ABCA13: variants seen among roughly 807,000 people sequenced by gnomAD.
ABCA13 encodes ATP binding cassette subfamily A member 13.
ABCA13 carries 476 observed loss-of-function variants against 478.7 expected under a neutral mutation model. The observed-to-expected ratio is 0.99, with a 90% CI of 0.92 to 1.07. The LOEUF is 1.07. Ranked by LOEUF, ABCA13 falls within the 50% of genes least tolerant of loss-of-function variation. The pLI, the probability that ABCA13 is intolerant of heterozygous loss-of-function variation, is 0.00. For missense variants in ABCA13, 6,060 were observed against 5,910.6 expected, an observed-to-expected ratio of 1.03 and a Z score of -0.83; for synonymous variants, 2,252 against 2,158.9, an observed-to-expected ratio of 1.04 and a Z score of -1.20.
At chr7:48,427,895 ATTTC>A in intron 42 of ABCA13, 24 bp downstream of exon 42, 1 of 1,468,394 alleles carries the variant, frequency 6.8e-7, no homozygotes, top group Non-Finnish European at 9.3e-7. Flanking sequence ...GGCTTCCTGC[ATTTC>A]TGCTGGAGGA....
intron 43 of ABCA13, among the ~76,000 whole-genome samples, chr7:48,458,714 C>T (rs898907778): frequency 6.6e-5 from 10 of 152,156 alleles, no homozygotes; most frequent in African/African-American, 2.2e-4. Flanking sequence ...CTACCTGAAT[C>T]CTTCTACAAA....
At chr7:48,533,114 G>A (rs1198413024) in intron 55 of ABCA13, among the ~76,000 whole-genome samples, 1 of 151,988 alleles carries the variant, frequency 6.6e-6, no homozygotes, top group African/African-American at 2.4e-5. Flanking sequence ...TCTTTCAGAT[G>A]TTTTGATGTA....
chr7:48,440,157 C>A lies in ABCA13; in HGVS notation c.12565+12286C>A, dbSNP rs1015453488. Among the ~76,000 whole-genome samples the A allele has an allele frequency of 2.0e-5, 3 of 152,198 alleles. No homozygotes were observed. The South Asian group carries it at 6.2e-4, about 32-fold the overall frequency. ...TGCATACATCTTATAGTAAATGGCA[C>A]AGATGTTAATTGTACAACCAGATGG... On this transcript the variant is annotated intron_variant, in intron 42 of 61. Transcript: ENST00000435803.
chr7:48,477,562 A>T (rs1191479210), intron 45 of ABCA13, among the ~76,000 whole-genome samples: 1 of 152,140 alleles, frequency 6.6e-6, no homozygotes, highest in Non-Finnish European at 1.5e-5. Context: ...ATGCAGCCAT[A>T]AAAAATAATG....
Position 48,198,250 on chromosome 7 carries a change from C to T in ABCA13, c.177C>T (p.Pro59=), listed in dbSNP as rs1376074854. ...ATCTATTTCTAGGTTATTTGCAGCC[C>T]CGAGATCTACCCAGCTGTGGTGTTA... The part of the protein sequence containing the change: ...PRYRDICYLQ[P]RDLPSCGVIP... The change falls in exon 3 of 62, where the codon CCC becomes CCT. Residue 59 remains proline, a synonymous_variant. Transcript: ENST00000435803. The T allele has an allele frequency of 6.2e-7, 1 of 1,611,952 alleles. No homozygotes were observed. The highest frequency in any genetic ancestry group is 1.1e-5 in the South Asian group (1 of 90,576).
intron 58 of ABCA13, among the ~76,000 whole-genome samples, chr7:48,596,480 A>G (rs1204571384): frequency 2.0e-5 from 3 of 152,100 alleles, no homozygotes; most frequent in Non-Finnish European, 4.4e-5. Flanking sequence ...TATTTGGGTC[A>G]CCTCCCCCAA....
rs546351831 is a variant in ABCA13 at position 48,270,150 on chromosome 7, A to G, written c.2120+1056A>G. Among the ~76,000 whole-genome samples the G allele has an allele frequency of 6.6e-5, 10 of 152,348 alleles. No individual in the cohort carries two copies. The South Asian group carries it at 1.4e-3, about 22-fold the overall frequency. On this transcript the variant is annotated intron_variant, in intron 16 of 61. Transcript: ENST00000435803. ...TTTAATGAATGAAAAATCATTGAACATTAAGTGCAATTTATATTAAGAAAG... is the reference window on the plus strand; with the variant it reads ...TTTAATGAATGAAAAATCATTGAACGTTAAGTGCAATTTATATTAAGAAAG...
intron 31 of ABCA13, among the ~76,000 whole-genome samples, chr7:48,367,428 T>C (rs2129015734): frequency 6.6e-6 from 1 of 152,332 alleles, no homozygotes; most frequent in East Asian, 1.9e-4. Context: ...TGTGATCAAT[T>C]AATATCAATA....
chr7:48,340,714 C>T (rs1309407169), intron 29 of ABCA13, among the ~76,000 whole-genome samples: 3 of 152,108 alleles, frequency 2.0e-5, no homozygotes, highest in African/African-American at 7.2e-5. Context: ...GTGAATCGTA[C>T]CTGAGCCACG....
intron 27 of ABCA13, among the ~76,000 whole-genome samples, chr7:48,335,184 C>A (rs949829750): frequency 1.8e-4 from 27 of 152,078 alleles, no homozygotes; most frequent in African/African-American, 6.5e-4. Flanking sequence ...CTAACACTGG[C>A]GAGACAGCAG....
chr7:48,528,180 CTATT>C, intron 54 of ABCA13, 52 bp from the exon 55 acceptor site: 1 of 1,380,574 alleles, frequency 7.2e-7, no homozygotes, highest in Non-Finnish European at 1.0e-6. Context: ...TTAACTTGTT[CTATT>C]TATTTAGCTT....
In ABCA13 at chr7:48,278,725, G is replaced by A; in HGVS notation, c.7531G>A (p.Asp2511Asn). 1 of 1,613,926 alleles carries A rather than the reference G, an allele frequency of 6.2e-7. No individual in the cohort carries two copies. Among genetic ancestry groups the A allele is most frequent in the Non-Finnish European group, 8.5e-7 (1 of 1,179,872 alleles). Residue 2511 changes from aspartate to asparagine, a missense_variant, in exon 18 of 62, where the codon GAC (aspartate) becomes AAC (asparagine). Coordinates refer to ENST00000435803, the MANE Select transcript of ABCA13 (RefSeq NM_152701.5). ...TLVMLLNDSADLRDLATSMDS... is the reference protein window; with the variant it reads ...TLVMLLNDSANLRDLATSMDS... Reference sequence around the variant, plus strand: ...GGTCATGCTGTTGAATGACAGTGCTGACCTGAGAGATCTTGCCACATCAAT... The same window carrying A: ...GGTCATGCTGTTGAATGACAGTGCTAACCTGAGAGATCTTGCCACATCAAT...
chr7:48,428,008 G>A (rs1821666684), intron 42 of ABCA13, 137 bp downstream of exon 42: 1 of 505,930 alleles, frequency 2.0e-6, no homozygotes, highest in Admixed American at 3.9e-5. Flanking sequence ...GAGGGGGCAA[G>A]TAAATACAGG....
chr7:48,235,474 C>G (rs753224895), intron 8 of ABCA13, among the ~76,000 whole-genome samples: 4 of 152,172 alleles, frequency 2.6e-5, no homozygotes, highest in Non-Finnish European at 4.4e-5. Flanking sequence ...CAACAGAGCT[C>G]CATGGAAATT....
chr7:48,280,357 G>T (rs935667132), intron 18 of ABCA13, among the ~76,000 whole-genome samples: 7 of 152,182 alleles, frequency 4.6e-5, no homozygotes, highest in African/African-American at 1.7e-4. Context: ...CCAGGCAGCT[G>T]CTGGCTTCTG....
intron 3 of ABCA13, among the ~76,000 whole-genome samples, chr7:48,206,096 C>T (rs1447794730): frequency 1.3e-5 from 2 of 152,086 alleles, no homozygotes; most frequent in Non-Finnish European, 2.9e-5. Flanking sequence ...TTAGATTTGC[C>T]TTTTCTAAAT....
chr7:48,466,918 A>G (rs1021843871), intron 43 of ABCA13, 38 bp from the exon 44 acceptor site: 1 of 1,604,050 alleles, frequency 6.2e-7, no homozygotes, highest in Non-Finnish European at 8.5e-7. Context: ...GCCACTAATA[A>G]TCCCACTTTG....
chr7:48,482,513 G>T (rs1232165292), intron 46 of ABCA13, among the ~76,000 whole-genome samples: 1 of 151,976 alleles, frequency 6.6e-6, no homozygotes, highest in African/African-American at 2.4e-5. Flanking sequence ...GAGTAGCTGG[G>T]ATTACAGGTG....
intron 52 of ABCA13, among the ~76,000 whole-genome samples, chr7:48,517,682 C>T (rs1832233432): frequency 1.3e-5 from 2 of 152,174 alleles, no homozygotes; most frequent in Non-Finnish European, 2.9e-5. Context: ...ATACAGACTT[C>T]AGATTTTGCA....
Sources: gnomAD v4.1 joint callset for allele counts (sites outside exome capture counted in the v4.1 genomes callset) on GRCh38, gnomAD v4.1.1 for gene constraint, MANE v1.5 for transcripts, NCBI Gene and HGNC (gene_info 2026-07-23, HGNC 2026-07-21) for gene names.